PIK3C2G: variants seen among roughly 807,000 people sequenced by gnomAD.
The protein encoded by PIK3C2G is phosphatidylinositol-4-phosphate 3-kinase catalytic subunit type 2 gamma.
A neutral mutation model predicts 181.1 loss-of-function variants in PIK3C2G; 168 were observed. The observed-to-expected ratio is 0.93, with a 90% CI of 0.82 to 1.05. The LOEUF (loss-of-function observed/expected upper bound fraction) is 1.05. Among genes scored for constraint, PIK3C2G ranks in the 50% least tolerant of loss-of-function variants. PIK3C2G has a pLI of 0.00. For missense variants in PIK3C2G, 1,869 were observed against 1,732.8 expected (o/e 1.08, Z -1.40); for synonymous variants, 573 against 592.2 (o/e 0.97, Z 0.47).
intron 24 of PIK3C2G, among the ~76,000 whole-genome samples, chr12:18,515,202 T>C (rs903700236): frequency 9.9e-5 from 15 of 151,950 alleles, no homozygotes; most frequent in South Asian, 2.1e-4. Flanking sequence ...TTTTGTTGTG[T>C]GCTTCTCTGG....
the PIK3C2G span, among the ~76,000 whole-genome samples, chr12:18,718,051 G>A: frequency 6.6e-6 from 1 of 152,050 alleles, no homozygotes; most frequent in Non-Finnish European, 1.5e-5. Flanking sequence ...CAGTTTTTGG[G>A]GGTGCTTTGG....
At chr12:18,465,691 C>A (rs1207242834) in intron 18 of PIK3C2G, among the ~76,000 whole-genome samples, 3 of 151,686 alleles carry the variant, frequency 2.0e-5, no homozygotes, top group Non-Finnish European at 4.4e-5. Flanking sequence ...TTTGGATAGT[C>A]TTTTCTTCTG....
intron 29 of PIK3C2G, among the ~76,000 whole-genome samples, chr12:18,587,110 G>T (rs1261417800): frequency 6.6e-6 from 1 of 152,032 alleles, no homozygotes; most frequent in East Asian, 1.9e-4. Flanking sequence ...ATACTGAATG[G>T]ACAAAAGCTG....
intron 32 of PIK3C2G, among the ~76,000 whole-genome samples, chr12:18,643,674 G>A (rs1949959367): frequency 6.6e-6 from 1 of 151,254 alleles, no homozygotes; most frequent in Non-Finnish European, 1.5e-5. Context: ...TCCCATCTTT[G>A]TGTCAAACTC....
At chr12:18,488,688 T>A in intron 19 of PIK3C2G, 59 bp downstream of exon 19, 1 of 1,031,690 alleles carries the variant, frequency 9.7e-7, no homozygotes, top group Middle Eastern at 2.2e-4. Flanking sequence ...TAAATTAAGT[T>A]TTAATTTCAT....
Position 18,282,739 on chromosome 12 carries a change from A to C in PIK3C2G, c.658A>C (p.Thr220Pro). 1 of 1,604,586 alleles carries C rather than the reference A, an allele frequency of 6.2e-7. No individual in the cohort carries two copies. Among genetic ancestry groups the C allele is most frequent in the Admixed American group, 1.7e-5 (1 of 58,366 alleles). ...TCTTCAACCCGGAATGTGGGAAAGT[A>C]CATGGCAGAAGAATATAGAGGTAAG... Reference protein sequence around the residue: ...GSLQPGMWESTWQKNIESIGC... With the variant: ...GSLQPGMWESPWQKNIESIGC... Residue 220 changes from threonine to proline, a missense_variant, in exon 2 of 33, where the codon ACA becomes CCA. Physicochemically the swap from Thr to Pro is conservative, Grantham distance 38. Transcript: ENST00000538779.
chr12:18,686,246 T>C, the PIK3C2G span, among the ~76,000 whole-genome samples: 1 of 151,896 alleles, frequency 6.6e-6, no homozygotes, highest in South Asian at 2.1e-4. Flanking sequence ...GTATACTTCT[T>C]CTCAAATCTG....
chr12:18,346,882 C>A, intron 11 of PIK3C2G, 46 bp downstream of exon 11: 2 of 1,268,770 alleles, frequency 1.6e-6, no homozygotes, highest in Non-Finnish European at 2.2e-6. Flanking sequence ...TTTTACATAG[C>A]TTCTAAGTAG....
intron 18 of PIK3C2G, among the ~76,000 whole-genome samples, chr12:18,425,386 CTTT>C (rs1228477062): frequency 4.6e-5 from 3 of 65,312 alleles, no homozygotes; most frequent in East Asian, 5.7e-4. Context: ...ACAGACATTT[CTTT>C]TTTTTTTTTT....
chr12:18,480,161 T>C (rs1415903801), intron 18 of PIK3C2G, among the ~76,000 whole-genome samples: 1 of 152,140 alleles, frequency 6.6e-6, no homozygotes, highest in Non-Finnish European at 1.5e-5. Context: ...CATAGATACC[T>C]GTGTCTTCCA....
intron 8 of PIK3C2G, among the ~76,000 whole-genome samples, chr12:18,336,255 G>A (rs1290597315): frequency 6.6e-6 from 1 of 152,110 alleles, no homozygotes. Context: ...TCACAGAAGA[G>A]GGAGTCTAGG....
the PIK3C2G span, among the ~76,000 whole-genome samples, chr12:18,695,964 G>A: frequency 3.9e-5 from 6 of 151,952 alleles, no homozygotes; most frequent in Admixed American, 6.6e-5. Context: ...GATTTACCCC[G>A]CTTCAACCCA....
intron 10 of PIK3C2G, 52 bp from the exon 11 acceptor site, chr12:18,346,589 A>G (rs896624873): frequency 9.8e-6 from 10 of 1,019,200 alleles, no homozygotes; most frequent in Non-Finnish European, 7.4e-6. Context: ...TTGATGGCCT[A>G]TGATAAATAT....
chr12:18,651,860 A>G (rs1046463796), downstream of PIK3C2G, among the ~76,000 whole-genome samples: 7 of 152,172 alleles, frequency 4.6e-5, no homozygotes, highest in African/African-American at 1.7e-4. Context: ...GGATGGAGCC[A>G]GGGGCAGGAA....
At chr12:18,700,796 A>C in the PIK3C2G span, among the ~76,000 whole-genome samples, 1 of 152,128 alleles carries the variant, frequency 6.6e-6, no homozygotes, top group Non-Finnish European at 1.5e-5. Context: ...GTTTTGTGTC[A>C]CATGCAACCT....
chr12:18,382,249 T>C (rs1428548155), intron 14 of PIK3C2G, among the ~76,000 whole-genome samples: 1 of 152,214 alleles, frequency 6.6e-6, no homozygotes, highest in Non-Finnish European at 1.5e-5. Context: ...CTTTGTGTCA[T>C]ATTTCTTTAA....
At chr12:18,326,455 A>C (rs1951350838) in intron 8 of PIK3C2G, among the ~76,000 whole-genome samples, 1 of 152,228 alleles carries the variant, frequency 6.6e-6, no homozygotes, top group African/African-American at 2.4e-5. Flanking sequence ...TAATATCAAT[A>C]AACACTAAAT....
At chr12:18,478,659 C>A (rs1458358340) in intron 18 of PIK3C2G, among the ~76,000 whole-genome samples, 2 of 152,058 alleles carry the variant, frequency 1.3e-5, no homozygotes, top group Non-Finnish European at 2.9e-5. Flanking sequence ...AGAAAAATAT[C>A]CCTGTTTATC....
At chr12:18,293,157 T>C (rs1398072740) in intron 4 of PIK3C2G, among the ~76,000 whole-genome samples, 1 of 152,158 alleles carries the variant, frequency 6.6e-6, no homozygotes, top group Non-Finnish European at 1.5e-5. Flanking sequence ...ATAACACTTT[T>C]AAATTTACTG....
Sources: gnomAD v4.1 joint callset for allele counts (sites outside exome capture counted in the v4.1 genomes callset) on GRCh38, gnomAD v4.1.1 for gene constraint, MANE v1.5 for transcripts, NCBI Gene and HGNC (gene_info 2026-07-23, HGNC 2026-07-21) for gene names.